Variants in RERE observed in about 807,000 individuals in gnomAD.
The protein encoded by RERE is arginine-glutamic acid dipeptide repeats protein.
RERE carries 40 observed loss-of-function variants against 146.1 expected under a neutral mutation model. That is an observed-to-expected ratio of 0.27 (90% CI 0.21 to 0.36). The LOEUF is 0.36. RERE is among the 10% of genes least tolerant of loss of function. The pLI is 1.00. For missense variants in RERE, 1,933 were observed against 2,138.7 expected, an observed-to-expected ratio of 0.90 and a Z score of 1.90; for synonymous variants, 1,003 against 866.0, an observed-to-expected ratio of 1.16 and a Z score of -2.78.
At chr1:8,771,385 G>A (rs1049140519) in intron 1 of RERE, among the ~76,000 whole-genome samples, 6 of 151,810 alleles carry the variant, frequency 4.0e-5, no homozygotes, top group African/African-American at 1.2e-4. Flanking sequence ...TTAGCCAGAC[G>A]TGATGGCGCA....
chr1:8,370,394 T>G (rs1004016539), intron 12 of RERE, among the ~76,000 whole-genome samples: 2 of 152,186 alleles, frequency 1.3e-5, no homozygotes, highest in Admixed American at 1.3e-4. Context: ...AAATGCTCTG[T>G]AAGTTGAATG....
rs1641191282 is a variant in RERE at position 8,353,906 on chromosome 1, C to G, written c.*1181G>C. ...CTGTGGCAAGAAAGATGGGGCCGTC[C>G]TCACCACAAGATCCAAGTGACAATG... On this transcript the variant is annotated 3_prime_UTR_variant, in exon 23 of 23. Transcript: ENST00000400908. The G allele has an allele frequency of 6.6e-6, 1 of 152,630 alleles. No homozygotes were observed. Among genetic ancestry groups the G allele is most frequent in the South Asian group, 2.1e-4 (1 of 4,822 alleles). The allele number at this position is 152,630 out of a possible 1,614,324, so 9.5% of individuals were successfully genotyped here.
At chr1:8,674,618 T>C (rs1638793521) in intron 1 of RERE, among the ~76,000 whole-genome samples, 1 of 152,204 alleles carries the variant, frequency 6.6e-6, no homozygotes, top group African/African-American at 2.4e-5. Context: ...ATAAAGACAG[T>C]AGAGCAACTG....
intron 12 of RERE, among the ~76,000 whole-genome samples, chr1:8,413,209 T>A (rs1009590129): frequency 6.6e-6 from 1 of 152,226 alleles, no homozygotes; most frequent in Admixed American, 6.5e-5. Flanking sequence ...TAAAATGAGG[T>A]CCCTGCCCAG....
intron 1 of RERE, among the ~76,000 whole-genome samples, chr1:8,724,283 T>C (rs932482114): frequency 6.6e-6 from 1 of 152,108 alleles, no homozygotes; most frequent in African/African-American, 2.4e-5. Context: ...TTGGCAAAAA[T>C]GGGTTATACA....
intron 1 of RERE, among the ~76,000 whole-genome samples, chr1:8,762,789 T>A (rs1355120961): frequency 6.6e-6 from 1 of 152,164 alleles, no homozygotes; most frequent in Non-Finnish European, 1.5e-5. Context: ...GTTTCCACCA[T>A]AAGGTCAGCT....
intron 1 of RERE, among the ~76,000 whole-genome samples, chr1:8,718,036 A>G (rs1639794803): frequency 6.6e-6 from 1 of 152,268 alleles, no homozygotes; most frequent in Non-Finnish European, 1.5e-5. Flanking sequence ...TAGTAAACAC[A>G]GTTGTTAAGA....
At chr1:8,685,070 G>A (rs1218197179) in intron 1 of RERE, among the ~76,000 whole-genome samples, 2 of 151,824 alleles carry the variant, frequency 1.3e-5, no homozygotes, top group African/African-American at 4.8e-5. Flanking sequence ...GTTACTCAGG[G>A]TGGTCTCAAA....
chr1:8,541,023 C>T (rs1235129409), intron 7 of RERE, among the ~76,000 whole-genome samples, 191 bp downstream of exon 7: 3 of 152,142 alleles, frequency 2.0e-5, no homozygotes, highest in Admixed American at 6.5e-5. Flanking sequence ...CAAAAAGCCA[C>T]TTTAGATGTC....
At chr1:8,648,505 T>C (rs575705478) in intron 2 of RERE, among the ~76,000 whole-genome samples, 1 of 152,330 alleles carries the variant, frequency 6.6e-6, no homozygotes, top group East Asian at 1.9e-4. Context: ...GTTCTGGAAT[T>C]ACAGACGTGA....
intron 7 of RERE, chr1:8,519,773 T>C (rs1645467147): frequency 6.6e-6 from 1 of 152,212 alleles, no homozygotes. Context: ...TTTCTTTGAA[T>C]GGCTGTCTTG....
At chr1:8,602,150 G>C (rs947987041) in intron 4 of RERE, among the ~76,000 whole-genome samples, 2 of 152,150 alleles carry the variant, frequency 1.3e-5, no homozygotes, top group South Asian at 4.1e-4. Context: ...CAACACTTTG[G>C]GAGGCCGAAG....
intron 12 of RERE, among the ~76,000 whole-genome samples, chr1:8,416,088 T>A (rs1198747963): frequency 3.3e-5 from 5 of 152,204 alleles, no homozygotes; most frequent in Non-Finnish European, 7.3e-5. Context: ...TTTATGACTA[T>A]GTAAACTTCA....
intron 1 of RERE, among the ~76,000 whole-genome samples, chr1:8,724,888 A>C (rs953858943): frequency 4.6e-5 from 7 of 150,968 alleles, no homozygotes; most frequent in Non-Finnish European, 1.5e-5. Flanking sequence ...AAAAAAAAAA[A>C]AACAACTCAA....
At chr1:8,377,795 A>G (rs1303812891) in intron 12 of RERE, among the ~76,000 whole-genome samples, 1 of 152,186 alleles carries the variant, frequency 6.6e-6, no homozygotes. Flanking sequence ...ATGAAGGATG[A>G]GAGAGCGAGG....
chr1:8,575,563 T>TTA (rs1553187359), intron 4 of RERE, among the ~76,000 whole-genome samples: 1 of 84,826 alleles, frequency 1.2e-5, no homozygotes, highest in East Asian at 5.1e-4. Flanking sequence ...ATATATATAT[T>TTA]TTTTTTTTTT....
intron 11 of RERE, among the ~76,000 whole-genome samples, chr1:8,453,345 C>G (rs953360003): frequency 4.6e-5 from 7 of 152,204 alleles, no homozygotes; most frequent in African/African-American, 1.7e-4. Flanking sequence ...TTAAGCTGCT[C>G]TGAGAATTGG....
intron 4 of RERE, among the ~76,000 whole-genome samples, chr1:8,585,788 T>C (rs998129048): frequency 1.3e-5 from 2 of 152,230 alleles, no homozygotes; most frequent in African/African-American, 4.8e-5. Context: ...CTGTCTTTCC[T>C]ATATAAATTG....
intron 1 of RERE, among the ~76,000 whole-genome samples, chr1:8,666,289 G>A (rs1638572108): frequency 6.6e-6 from 1 of 152,152 alleles, no homozygotes; most frequent in Non-Finnish European, 1.5e-5. Context: ...AGGAACCGAG[G>A]TACCTCAAGT....
Sources: gnomAD v4.1 joint callset for allele counts (sites outside exome capture counted in the v4.1 genomes callset) on GRCh38, gnomAD v4.1.1 for gene constraint, MANE v1.5 for transcripts, NCBI Gene and HGNC (gene_info 2026-07-23, HGNC 2026-07-21) for gene names.